Variants in HAAO observed in about 807,000 individuals in gnomAD.
The protein encoded by HAAO is 3-hydroxyanthranilate 3,4-dioxygenase.
In HAAO, 49 loss-of-function variants were observed where a neutral mutation model predicts 46.2. That is an observed-to-expected ratio of 1.06 (90% CI 0.84 to 1.34). The LOEUF (loss-of-function observed/expected upper bound fraction) is 1.34, where lower values mean the gene tolerates loss of function less well. Among genes scored for constraint, HAAO ranks in the 40% most tolerant of loss-of-function variants. The pLI is 0.00. For synonymous variants in HAAO, 157 were observed against 145.2 expected, an observed-to-expected ratio of 1.08 and a Z score of -0.58; for missense variants, 408 against 364.5, an observed-to-expected ratio of 1.12 and a Z score of -0.97.
intron 3 of HAAO, 126 bp from the exon 4 acceptor site, chr2:42,783,546 G>A (rs901481076): frequency 4.3e-6 from 3 of 694,496 alleles, no homozygotes; most frequent in African/African-American, 1.8e-5. Context: ...GTCTACCCTG[G>A]GCCCTCTTCT....
chr2:42,770,676 G>T, intron 4 of HAAO, 94 bp from the exon 5 acceptor site: 1 of 706,394 alleles, frequency 1.4e-6, no homozygotes, highest in Non-Finnish European at 2.4e-6. Context: ...AGAAGTCCCT[G>T]CAGAGCCCTG....
Position 42,767,848 on chromosome 2 carries a change from G to C in HAAO, c.699+12C>G, listed in dbSNP as rs906598662. 7 of 1,613,202 alleles carry C rather than the reference G, an allele frequency of 4.3e-6. No homozygotes were observed. Among genetic ancestry groups the C allele is most frequent in the Non-Finnish European group, 5.9e-6 (7 of 1,179,274 alleles). ...AGGGGGTTCTGCAACCCTGTCCCTG[G>C]GCCCCACTTGCCAGCTGCCACAGCC... On this transcript the variant is annotated intron_variant, in intron 8 of 9. Transcript: ENST00000294973.
chr2:42,785,002 C>G (rs766185716), intron 2 of HAAO, among the ~76,000 whole-genome samples: 70 of 152,224 alleles, frequency 4.6e-4, no homozygotes, highest in Non-Finnish European at 9.6e-4. Context: ...CAGAGACATA[C>G]CTGCCTAGTG....
chr2:42,769,992 A>T (rs1190747476), intron 6 of HAAO, 134 bp from the exon 7 acceptor site: 7 of 1,163,568 alleles, frequency 6.0e-6, no homozygotes, highest in Non-Finnish European at 7.4e-6. Context: ...TCAAGCAGCC[A>T]TGTGGGAGGT....
intron 2 of HAAO, among the ~76,000 whole-genome samples, chr2:42,784,311 A>G (rs1179712953): frequency 1.3e-5 from 2 of 152,130 alleles, no homozygotes; most frequent in Non-Finnish European, 2.9e-5. Context: ...AACAAGGCTC[A>G]GAGGGTAAAA....
At chr2:42,779,406 C>A (rs1388228672) in intron 4 of HAAO, among the ~76,000 whole-genome samples, 4 of 151,686 alleles carry the variant, frequency 2.6e-5, no homozygotes, top group Admixed American at 1.3e-4. Context: ...ATTGCAACCT[C>A]CGCCTCCCGG....
intron 4 of HAAO, among the ~76,000 whole-genome samples, chr2:42,771,387 G>T (rs980483115): frequency 6.6e-6 from 1 of 150,398 alleles, no homozygotes; most frequent in Non-Finnish European, 1.5e-5. Context: ...AGATTGCACC[G>T]CCGCATTCCA....
intron 2 of HAAO, 169 bp from the exon 3 acceptor site, chr2:42,784,036 C>A: frequency 1.3e-6 from 1 of 764,896 alleles, no homozygotes; most frequent in South Asian, 5.9e-5. Flanking sequence ...CCGGTGCATG[C>A]CATGGAGTGC....
At position 42,770,141 on chromosome 2, in the gene HAAO, A is replaced by C. The variant is rs1358461125; in HGVS notation, c.484+2T>G. 3.7e-6 allele frequency: 6 copies of C among 1,603,898 alleles called. No homozygotes were observed. The highest frequency in any genetic ancestry group is 3.4e-5 in the Admixed American group (2 of 59,146). ...GAGAAGGGCAGTTCCCAGCGGCCTC[A>C]CCAGGGATGGGCTTTCCTGTTCTGT... is the stretch of plus-strand genomic sequence containing the variant. On this transcript the variant is annotated splice_donor_variant, in intron 6 of 9. Transcript: ENST00000294973. LOFTEE classifies it high-confidence loss of function.
chr2:42,771,007 T>A (rs1157139515), intron 4 of HAAO, among the ~76,000 whole-genome samples: 1 of 152,224 alleles, frequency 6.6e-6, no homozygotes, highest in Non-Finnish European at 1.5e-5. Context: ...AAGCTGAGGC[T>A]GAGCCTGAAA....
At chr2:42,775,437 T>G (rs1317473866) in intron 4 of HAAO, among the ~76,000 whole-genome samples, 1 of 152,098 alleles carries the variant, frequency 6.6e-6, no homozygotes, top group Non-Finnish European at 1.5e-5. Flanking sequence ...AGCATTTTTT[T>G]CCAGCTGAAA....
chr2:42,774,975 A>G (rs1000342961), intron 4 of HAAO, among the ~76,000 whole-genome samples: 20 of 152,232 alleles, frequency 1.3e-4, no homozygotes, highest in African/African-American at 4.8e-4. Context: ...AGGGCCGGGC[A>G]CAGTGGCTCA....
chr2:42,773,920 T>A (rs1200588606), intron 4 of HAAO, among the ~76,000 whole-genome samples: 1 of 152,142 alleles, frequency 6.6e-6, no homozygotes. Flanking sequence ...AAAGTGCCCC[T>A]CTGCTCACTG....
Position 42,792,421 on chromosome 2 carries a change from G to T in HAAO, c.80+36C>A, listed in dbSNP as rs754319034. 3 of 1,278,666 alleles carry T rather than the reference G, an allele frequency of 2.3e-6. No homozygotes were observed. In the East Asian group the frequency reaches 8.0e-5, roughly 34 times the overall value. 79.2% of individuals were successfully genotyped at this position (1,278,666 alleles called of 1,614,324 possible). A position where few individuals can be genotyped will look rare whatever the true frequency, so the allele number is the denominator to read the frequency against. On this transcript the variant is annotated intron_variant, in intron 1 of 9. Coordinates refer to ENST00000294973, the MANE Select transcript of HAAO (RefSeq NM_012205.3). ...CGCAGATGGAGGAGGGGGAGGAGGC[G>T]AGGGCAGGGGGCGGCCATGGGGGTG...
At chr2:42,780,313 T>C (rs1404410902) in intron 4 of HAAO, among the ~76,000 whole-genome samples, 2 of 151,758 alleles carry the variant, frequency 1.3e-5, no homozygotes, top group Admixed American at 6.6e-5. Flanking sequence ...GTTCAAGTGA[T>C]TCTCCTGCCT....
At chr2:42,780,300 C>G (rs189055885) in intron 4 of HAAO, among the ~76,000 whole-genome samples, 1 of 151,734 alleles carries the variant, frequency 6.6e-6, no homozygotes, top group African/African-American at 2.4e-5. Context: ...CTCCGCCTCC[C>G]AGGTTCAAGT....
At chr2:42,774,250 C>T (rs908129379) in intron 4 of HAAO, among the ~76,000 whole-genome samples, 2 of 152,238 alleles carry the variant, frequency 1.3e-5, no homozygotes, top group Non-Finnish European at 2.9e-5. Context: ...GCTAAATTAA[C>T]TGAGACCTGT....
intron 2 of HAAO, 134 bp downstream of exon 2, chr2:42,788,395 C>G: frequency 1.4e-6 from 1 of 693,332 alleles, no homozygotes; most frequent in Non-Finnish European, 2.6e-6. Flanking sequence ...CAGCTGTGCC[C>G]CCTCCACTCA....
At chr2:42,784,081 G>A (rs111467331) in intron 2 of HAAO, 4 of 469,678 alleles carry the variant, frequency 8.5e-6, no homozygotes, top group East Asian at 1.5e-4. Context: ...GGACATGCAA[G>A]TGATGACCAG....
Sources: gnomAD v4.1 joint callset for allele counts (sites outside exome capture counted in the v4.1 genomes callset) on GRCh38, gnomAD v4.1.1 for gene constraint, MANE v1.5 for transcripts, NCBI Gene and HGNC (gene_info 2026-07-23, HGNC 2026-07-21) for gene names.